Variants in CNTNAP5 observed in about 807,000 individuals in gnomAD.
CNTNAP5 encodes contactin-associated protein-like 5.
CNTNAP5 carries 72 observed loss-of-function variants against 150.2 expected under a neutral mutation model. The ratio of observed to expected loss-of-function variants is 0.48; its 90% confidence interval spans 0.40 to 0.58. CNTNAP5 has a LOEUF of 0.58. Among genes scored for constraint, CNTNAP5 ranks in the 20% least tolerant of loss-of-function variants. CNTNAP5 has a pLI of 0.00. For synonymous variants in CNTNAP5, 672 were observed against 619.8 expected (o/e 1.08, Z -1.25); for missense variants, 1,636 against 1,626.2 (o/e 1.01, Z -0.10).
chr2:124,707,911 A>T (rs17393216), intron 13 of CNTNAP5, among the ~76,000 whole-genome samples: 3 of 152,136 alleles, frequency 2.0e-5, no homozygotes, highest in Admixed American at 2.0e-4. Flanking sequence ...AAATAACTTC[A>T]TATATACAAG....
chr2:124,861,421 A>C (rs1485713669), intron 19 of CNTNAP5, among the ~76,000 whole-genome samples: 1 of 151,642 alleles, frequency 6.6e-6, no homozygotes, highest in East Asian at 2.0e-4. Context: ...AAAAATACAA[A>C]AATAAATAAA....
chr2:124,642,234 C>G (rs1678108785), intron 12 of CNTNAP5, among the ~76,000 whole-genome samples: 1 of 152,106 alleles, frequency 6.6e-6, no homozygotes, highest in Admixed American at 6.5e-5. Flanking sequence ...TCCACCATTA[C>G]TACTCTGCTG....
At chr2:124,214,513 G>A (rs939094683) in intron 1 of CNTNAP5, among the ~76,000 whole-genome samples, 1 of 152,132 alleles carries the variant, frequency 6.6e-6, no homozygotes, top group Non-Finnish European at 1.5e-5. Context: ...CAGAAATTTT[G>A]ACACCTAGTA....
intron 13 of CNTNAP5, among the ~76,000 whole-genome samples, chr2:124,663,189 C>G (rs542122212): frequency 6.6e-6 from 1 of 152,152 alleles, no homozygotes; most frequent in Non-Finnish European, 1.5e-5. Context: ...AAACCTGTTA[C>G]GGTTAAATCC....
chr2:124,210,921 C>G (rs1197432504), intron 1 of CNTNAP5, among the ~76,000 whole-genome samples: 3 of 152,166 alleles, frequency 2.0e-5, no homozygotes, highest in African/African-American at 7.2e-5. Flanking sequence ...CTGTCCCAAC[C>G]TGCCTCATCC....
rs868381284 is a variant in CNTNAP5 at position 124,469,204 on chromosome 2, G to A, written c.919-5535G>A. 2.8e-4 allele frequency among the ~76,000 whole-genome samples: 43 copies of A among 152,220 alleles called. No homozygotes were observed. The Middle Eastern group carries it at 0.01, about 36-fold the overall frequency. On this transcript the variant is annotated intron_variant, in intron 6 of 23. Coordinates refer to ENST00000682447, the MANE Select transcript of CNTNAP5 (RefSeq NM_001367498.1). ...GAGATTGCTCCCCTCAGTGTAATAG[G>A]AAACTACAATTTTTTAGTATATGGT...
chr2:124,430,970 A>G (rs770462021), intron 4 of CNTNAP5, among the ~76,000 whole-genome samples: 1 of 152,172 alleles, frequency 6.6e-6, no homozygotes, highest in Non-Finnish European at 1.5e-5. Flanking sequence ...AATTTTCACA[A>G]TGACTTTGAA....
chr2:124,065,274 T>C (rs968619961), intron 1 of CNTNAP5, among the ~76,000 whole-genome samples: 1 of 152,116 alleles, frequency 6.6e-6, no homozygotes, highest in African/African-American at 2.4e-5. Flanking sequence ...GAGATTGAAG[T>C]AGACAGTTAA....
intron 1 of CNTNAP5, among the ~76,000 whole-genome samples, chr2:124,046,887 C>CTT (rs1681553143): frequency 1.3e-5 from 2 of 152,116 alleles, no homozygotes. Flanking sequence ...GAGATGTAGC[C>CTT]TTGGGCACAC....
chr2:124,870,366 T>G (rs1300375066), intron 21 of CNTNAP5, among the ~76,000 whole-genome samples: 6 of 152,104 alleles, frequency 3.9e-5, no homozygotes, highest in Non-Finnish European at 8.8e-5. Context: ...TTTGCTTAAC[T>G]TAGTGTTTGC....
chr2:124,310,623 T>A (rs367737903), intron 3 of CNTNAP5, among the ~76,000 whole-genome samples: 69 of 151,654 alleles, frequency 4.5e-4, no homozygotes, highest in African/African-American at 8.2e-4. Flanking sequence ...TTTTTTTTTT[T>A]AAATTTGTAT....
At chr2:124,234,782 G>C (rs546161420) in intron 2 of CNTNAP5, among the ~76,000 whole-genome samples, 1 of 152,190 alleles carries the variant, frequency 6.6e-6, no homozygotes, top group South Asian at 2.1e-4. Flanking sequence ...CCAAAGGGAA[G>C]ATATTTATTG....
chr2:124,401,015 AC>A (rs1017287260), intron 3 of CNTNAP5, among the ~76,000 whole-genome samples: 2 of 152,034 alleles, frequency 1.3e-5, no homozygotes, highest in African/African-American at 4.8e-5. Context: ...GAGATTACAG[AC>A]ACGTGCCACC....
chr2:124,359,961 A>G (rs1181777329), intron 3 of CNTNAP5, among the ~76,000 whole-genome samples: 3 of 99,988 alleles, frequency 3.0e-5, no homozygotes, highest in African/African-American at 7.8e-5. Context: ...TAGGTCACTC[A>G]GGACTTGCTT....
At chr2:124,360,096 A>G (rs1461824128) in intron 3 of CNTNAP5, among the ~76,000 whole-genome samples, 1 of 141,308 alleles carries the variant, frequency 7.1e-6, no homozygotes, top group Non-Finnish European at 1.5e-5. Context: ...TGTTGGTTTA[A>G]AGTCTGTTTT....
At chr2:124,691,523 C>T (rs904678959) in intron 13 of CNTNAP5, among the ~76,000 whole-genome samples, 4 of 152,006 alleles carry the variant, frequency 2.6e-5, no homozygotes, top group African/African-American at 7.2e-5. Context: ...TTAGGGATAT[C>T]GTTTTCTGAT....
intron 19 of CNTNAP5, 64 bp from the exon 20 acceptor site, chr2:124,865,242 G>A: frequency 7.5e-7 from 1 of 1,325,456 alleles, no homozygotes; most frequent in Non-Finnish European, 1.0e-6. Context: ...AAGATAATCT[G>A]ATCATGTCTT....
At chr2:124,806,934 C>G (rs1199881627) in intron 19 of CNTNAP5, among the ~76,000 whole-genome samples, 2 of 144,898 alleles carry the variant, frequency 1.4e-5, no homozygotes, top group African/African-American at 5.2e-5. Context: ...TTTTTTTAAG[C>G]CAGGGATAAA....
At chr2:124,770,685 C>T (rs768871610) in intron 16 of CNTNAP5, among the ~76,000 whole-genome samples, 2 of 152,146 alleles carry the variant, frequency 1.3e-5, no homozygotes, top group African/African-American at 2.4e-5. Flanking sequence ...AGTCTAACTG[C>T]TCATCACTCA....
Sources: allele counts gnomAD v4.1 joint callset (sites outside exome capture counted in the v4.1 genomes callset), GRCh38; gene constraint gnomAD v4.1.1; transcripts MANE v1.5; gene names NCBI Gene and HGNC (gene_info 2026-07-23, HGNC 2026-07-21).